The following MAST3 variants were observed in gnomAD, a reference collection of about 807,000 sequenced individuals.
MAST3 encodes the protein microtubule associated serine/threonine kinase 3.
Under a neutral mutation model 127.0 loss-of-function variants are expected in MAST3, and 43 were observed. That is an observed-to-expected ratio of 0.34 (90% CI 0.27 to 0.44). The LOEUF (loss-of-function observed/expected upper bound fraction) is 0.44, where lower values mean the gene tolerates loss of function less well. Among genes scored for constraint, MAST3 ranks in the 20% least tolerant of loss-of-function variants. MAST3 has a pLI of 1.00. For missense variants in MAST3, 1,390 were observed against 1,919.1 expected (o/e 0.72, Z 5.15); for synonymous variants, 785 against 809.2 (o/e 0.97, Z 0.51).
At chr19:18,133,392 T>G (rs941861393) in intron 15 of MAST3, among the ~76,000 whole-genome samples, 10 of 152,086 alleles carry the variant, frequency 6.6e-5, no homozygotes, top group African/African-American at 2.4e-4. Flanking sequence ...TATTTATTTA[T>G]TTTTTGAGAC....
intron 20 of MAST3, among the ~76,000 whole-genome samples, chr19:18,141,615 C>T (rs567897106): frequency 1.3e-5 from 2 of 152,078 alleles, no homozygotes; most frequent in South Asian, 2.1e-4. Context: ...TCAAGTGATC[C>T]GCCCACCTCA....
intron 14 of MAST3, among the ~76,000 whole-genome samples, chr19:18,131,483 G>A (rs534970185): frequency 1.4e-5 from 2 of 140,278 alleles, no homozygotes; most frequent in East Asian, 2.0e-4. Context: ...GGTGGATCAC[G>A]AGGTCAAGAG....
chr19:18,097,851 GGGCGGAA>G lies in MAST3; in HGVS notation c.39+24_39+30del. 8.1e-7 allele frequency: 1 copy of G among 1,228,772 alleles called. No individual in the cohort carries two copies. The highest frequency in any genetic ancestry group is 1.0e-6 in the Non-Finnish European group (1 of 985,940). 76.1% of individuals were successfully genotyped at this position (1,228,772 alleles called of 1,614,324 possible). On this transcript the variant is annotated intron_variant, in intron 1 of 27. Transcript: ENST00000687212. ...CTCCAGGTGAGGCCCCTGCGCGGGC[GGGCGGAA>G]GGCAGAGGGCGCGGCCAAGTGGACG...
chr19:18,104,226 C>T (rs1288027241), intron 1 of MAST3, among the ~76,000 whole-genome samples: 2 of 122,404 alleles, frequency 1.6e-5, no homozygotes, highest in Admixed American at 8.5e-5. Context: ...AAAATTCCCA[C>T]AACTATTGGA....
At chr19:18,120,948 T>C (rs2039897303) in intron 3 of MAST3, among the ~76,000 whole-genome samples, 1 of 152,144 alleles carries the variant, frequency 6.6e-6, no homozygotes, top group Non-Finnish European at 1.5e-5. Context: ...CTCAAACTCC[T>C]GATCTCAGGT....
chr19:18,132,147 C>A, intron 15 of MAST3, 100 bp downstream of exon 15: 1 of 1,495,902 alleles, frequency 6.7e-7, no homozygotes, highest in Non-Finnish European at 9.0e-7. Context: ...TGAGGTGCAT[C>A]CCGGGACCCT....
At chr19:18,140,794 CTTATTTAT>C (rs1037349563) in intron 20 of MAST3, among the ~76,000 whole-genome samples, 1 of 151,956 alleles carries the variant, frequency 6.6e-6, no homozygotes, top group Admixed American at 6.6e-5. Context: ...AGTTTATTTA[CTTATTTAT>C]TTATTTATTG....
At position 18,143,949 on chromosome 19, in the gene MAST3, G is replaced by A. The variant is rs1462347300; in HGVS notation, c.2526G>A (p.Gly842=). Residue 842 remains glycine (G), a synonymous_variant, in exon 22 of 28, where the codon GGG becomes GGA. Transcript: ENST00000687212. The part of the protein sequence containing the change: ...AGPKRPVFIL[G]EPDPPPAATP... ...CCAAGAGGCCCGTCTTCATTCTAGGGGAGCCTGACCCCCCACCAGCGGCCA... is the reference window on the plus strand; with the variant it reads ...CCAAGAGGCCCGTCTTCATTCTAGGAGAGCCTGACCCCCCACCAGCGGCCA... 6.2e-7 allele frequency: 1 copy of A among 1,607,394 alleles called. No individual in the cohort carries two copies. The highest frequency in any genetic ancestry group is 8.5e-7 in the Non-Finnish European group (1 of 1,177,082).
chr19:18,130,266 A>G (rs928405863), intron 13 of MAST3, among the ~76,000 whole-genome samples: 1 of 152,212 alleles, frequency 6.6e-6, no homozygotes, highest in Non-Finnish European at 1.5e-5. Context: ...CCTAGAGGCC[A>G]ATATACAAGG....
chr19:18,124,422 C>T (rs1031016052), intron 10 of MAST3, 56 bp downstream of exon 10: 2 of 1,482,478 alleles, frequency 1.3e-6, no homozygotes, highest in Non-Finnish European at 9.2e-7. Context: ...AGATTGGGAC[C>T]ACAACAGTCC....
chr19:18,104,757 A>T (rs1006927880), intron 1 of MAST3, among the ~76,000 whole-genome samples: 1 of 152,126 alleles, frequency 6.6e-6, no homozygotes, highest in African/African-American at 2.4e-5. Flanking sequence ...CCTGCCAGTA[A>T]AACAGCCCCT....
In MAST3 at chr19:18,150,925, CT is replaced by C. The variant is rs1211667166; in HGVS notation, c.*1201del. ...AGTCCTGCGGGATTACGTCCAGCTACTTCCAGAAACACTCAGTGTCCCCTCC... is the reference window on the plus strand; with the variant it reads ...AGTCCTGCGGGATTACGTCCAGCTACTCCAGAAACACTCAGTGTCCCCTCC... On this transcript the variant is annotated 3_prime_UTR_variant, in exon 28 of 28. Transcript: ENST00000687212. 6.6e-6 allele frequency: 1 copy of C among 152,356 alleles called. No homozygotes were observed. The highest frequency in any genetic ancestry group is 1.5e-5 in the Non-Finnish European group (1 of 68,132). The allele number at this position is 152,356 out of a possible 1,614,324, so 9.4% of individuals were successfully genotyped here. A position where few individuals can be genotyped will look rare whatever the true frequency, so the allele number is the denominator to read the frequency against.
At chr19:18,114,271 C>G (rs2038979129) in intron 3 of MAST3, among the ~76,000 whole-genome samples, 1 of 151,392 alleles carries the variant, frequency 6.6e-6, no homozygotes, top group African/African-American at 2.4e-5. Context: ...CTCACTGCAA[C>G]CTTTGCCTCC....
intron 4 of MAST3, 31 bp from the exon 5 acceptor site, chr19:18,121,822 T>C (rs1181205185): frequency 6.2e-7 from 1 of 1,613,940 alleles, no homozygotes; most frequent in South Asian, 1.1e-5. Flanking sequence ...TCTGCCCCGC[T>C]GACTCAGTTT....
At chr19:18,140,366 G>A (rs958488065) in intron 20 of MAST3, among the ~76,000 whole-genome samples, 8 of 151,788 alleles carry the variant, frequency 5.3e-5, no homozygotes, top group African/African-American at 1.5e-4. Context: ...GCGACAGAGC[G>A]AGACTCTGTC....
rs2041677951 is a variant in MAST3, at chr19:18,134,428, G to A, written c.1572-151G>A. 10 of 1,114,606 alleles carry A rather than the reference G, an allele frequency of 9.0e-6. No individual in the cohort carries two copies. The Middle Eastern group carries it at 9.2e-4, about 103-fold the overall frequency. 69.0% of individuals were successfully genotyped at this position (1,114,606 alleles called of 1,614,324 possible). ...GTGGTGGTGTGCACCTGTAGTTCCA[G>A]CTACTTGGGAGGCTGAGCAGGAGGA... On this transcript the variant is annotated intron_variant, in intron 15 of 27. Transcript: ENST00000687212.
At chr19:18,098,197 T>C (rs891663787) in intron 1 of MAST3, among the ~76,000 whole-genome samples, 1 of 152,160 alleles carries the variant, frequency 6.6e-6, no homozygotes, top group East Asian at 1.9e-4. Context: ...TGTATTAATA[T>C]GAGTTCATAT....
At chr19:18,099,294 G>C (rs1158728651) in intron 1 of MAST3, among the ~76,000 whole-genome samples, 2 of 150,122 alleles carry the variant, frequency 1.3e-5, no homozygotes, top group African/African-American at 4.9e-5. Context: ...AACTGGAGGC[G>C]CTGAGGCCAG....
intron 3 of MAST3, among the ~76,000 whole-genome samples, chr19:18,115,948 G>A (rs117492001): frequency 0.026 from 3,904 of 152,294 alleles, 116 homozygotes; most frequent in Admixed American, 0.077. Flanking sequence ...CCTGGGACAC[G>A]CTTTCTGCAT....
Sources: allele counts gnomAD v4.1 joint callset (sites outside exome capture counted in the v4.1 genomes callset), GRCh38; gene constraint gnomAD v4.1.1; transcripts MANE v1.5; gene names NCBI Gene and HGNC (gene_info 2026-07-23, HGNC 2026-07-21).